The following PRDM4 variants were observed in gnomAD, a reference collection of about 807,000 sequenced individuals.
PRDM4 encodes the protein PR/SET domain 4, also known as PR domain zinc finger protein 4.
Under a neutral mutation model 62.3 loss-of-function variants are expected in PRDM4, and 38 were observed. That is an observed-to-expected ratio of 0.61 (90% CI 0.47 to 0.80). PRDM4 has a LOEUF of 0.80. Ranked by LOEUF, PRDM4 falls within the 30% of genes least tolerant of loss-of-function variation. The pLI is 0.00. For missense variants in PRDM4, 858 were observed against 997.1 expected, an observed-to-expected ratio of 0.86 and a Z score of 1.88; for synonymous variants, 339 against 348.2, an observed-to-expected ratio of 0.97 and a Z score of 0.30.
At chr12:107,752,791 C>A (rs567244863) in intron 4 of PRDM4, among the ~76,000 whole-genome samples, 4 of 152,166 alleles carry the variant, frequency 2.6e-5, no homozygotes, top group East Asian at 3.9e-4. Flanking sequence ...AATGTTAATA[C>A]CCTCTTGCAC....
At chr12:107,739,969 A>G (rs1221570833) in intron 10 of PRDM4, among the ~76,000 whole-genome samples, 2 of 152,264 alleles carry the variant, frequency 1.3e-5, no homozygotes, top group Non-Finnish European at 2.9e-5. Context: ...AACATATAAT[A>G]TTGCCTCAAA....
chr12:107,744,815 T>A (rs1405271510), intron 6 of PRDM4, 154 bp from the exon 7 acceptor site: 1 of 1,041,418 alleles, frequency 9.6e-7, no homozygotes. Flanking sequence ...ATCCCGGCAC[T>A]TTGGGAGGCC....
chr12:107,755,150 C>A (rs1891023556), intron 3 of PRDM4, among the ~76,000 whole-genome samples: 2 of 152,056 alleles, frequency 1.3e-5, no homozygotes, highest in South Asian at 4.1e-4. Flanking sequence ...AGTAGCATGA[C>A]CATGGCTCAG....
intron 6 of PRDM4, 118 bp downstream of exon 6, chr12:107,746,157 A>T: frequency 8.1e-7 from 1 of 1,230,536 alleles, no homozygotes; most frequent in Non-Finnish European, 1.1e-6. Flanking sequence ...CATAAATCTT[A>T]AGCCATAAAT....
Position 107,734,323 on chromosome 12 carries a change from C to T in PRDM4, c.2293G>A (p.Glu765Lys). ...TCCTCTTCTGAGTCATCCTCTTCTT[C>T]CTCCTCTGGTGCTGACGAACTGGAG... ...PTSSSSAPEE[E>K]EEDDSEEEDL... Residue 765 changes from glutamate (E) to lysine (K), a missense_variant, in exon 12 of 12, where the codon GAA becomes AAA. Around this residue, in one of 3 missense-constraint regions of PRDM4, gnomAD observed 355 missense variants for 432.6 expected, o/e 0.82. Coordinates refer to ENST00000228437, the MANE Select transcript of PRDM4 (RefSeq NM_012406.4). The T allele has an allele frequency of 6.2e-7, 1 of 1,614,220 alleles. No homozygotes were observed.
At chr12:107,743,156 C>A in intron 8 of PRDM4, 41 bp downstream of exon 8, 2 of 1,470,456 alleles carry the variant, frequency 1.4e-6, no homozygotes, top group Non-Finnish European at 1.9e-6. Context: ...TGAAAAACAT[C>A]TAAATGGTAA....
intron 5 of PRDM4, among the ~76,000 whole-genome samples, chr12:107,750,936 A>C (rs1890871627): frequency 6.6e-6 from 1 of 152,176 alleles, no homozygotes; most frequent in Non-Finnish European, 1.5e-5. Flanking sequence ...CCCAGGCCGG[A>C]GTGCAGTACT....
intron 5 of PRDM4, among the ~76,000 whole-genome samples, chr12:107,749,618 T>C (rs1398823913): frequency 6.6e-6 from 1 of 152,104 alleles, no homozygotes; most frequent in African/African-American, 2.4e-5. Context: ...TCCAACTTTA[T>C]CCAATCGATA....
rs374059727 is a variant in PRDM4, at chr12:107,734,450, A to G, written c.2166T>C (p.Asn722=). 6.8e-6 allele frequency: 11 copies of G among 1,614,052 alleles called. No individual in the cohort carries two copies. In the Middle Eastern group the frequency reaches 4.9e-4, roughly 72 times the overall value. ...CATAATCCCGTTTTCCTTCATGAGA[A>G]TTGAGATGCTTCTTTAAGTGATTTG... The part of the protein sequence containing the change: ...LRTNHLKKHL[N]SHEGKRDYVC... Residue 722 remains asparagine (N), a synonymous_variant, in exon 12 of 12, where the codon AAT becomes AAC. Coordinates refer to ENST00000228437, the MANE Select transcript of PRDM4 (RefSeq NM_012406.4).
rs879549439 is a variant in PRDM4 at position 107,734,116 on chromosome 12, GA to G, written c.*93del. The G allele has an allele frequency of 4.1e-5, 53 of 1,308,594 alleles. No homozygotes were observed. The highest frequency in any genetic ancestry group is 2.7e-4 in the Middle Eastern group (1 of 3,772). 81.1% of individuals were successfully genotyped at this position (1,308,594 alleles called of 1,614,324 possible). ...TGATTACTGGCTGAAAATAAATCAGGAACCATTTTATATAAAAACCATTATA... is the reference window on the plus strand; with the variant it reads ...TGATTACTGGCTGAAAATAAATCAGGACCATTTTATATAAAAACCATTATA... On this transcript the variant is annotated 3_prime_UTR_variant, in exon 12 of 12. Transcript: ENST00000228437.
chr12:107,736,143 T>C (rs1890322002), intron 11 of PRDM4, among the ~76,000 whole-genome samples: 1 of 152,246 alleles, frequency 6.6e-6, no homozygotes, highest in African/African-American at 2.4e-5. Flanking sequence ...TGTCTAATTA[T>C]GCCAGGCACT....
chr12:107,741,581 T>C (rs1890520681), intron 9 of PRDM4, among the ~76,000 whole-genome samples: 1 of 151,246 alleles, frequency 6.6e-6, no homozygotes, highest in South Asian at 2.1e-4. Flanking sequence ...TGGCTGGGCA[T>C]GGTGATGTAC....
chr12:107,738,875 ACAAACACACAC>A (rs1890421781), intron 11 of PRDM4, among the ~76,000 whole-genome samples: 2 of 79,668 alleles, frequency 2.5e-5, no homozygotes, highest in African/African-American at 4.8e-5. Context: ...TGCAATTCAG[ACAAACACACAC>A]ACACACACAC....
intron 6 of PRDM4, among the ~76,000 whole-genome samples, chr12:107,745,512 C>A (rs1890670822): frequency 6.6e-6 from 1 of 151,854 alleles, no homozygotes. Context: ...AGGCTGCACT[C>A]GAGTTACTGT....
At chr12:107,745,595 T>C (rs1890675946) in intron 6 of PRDM4, among the ~76,000 whole-genome samples, 1 of 151,912 alleles carries the variant, frequency 6.6e-6, no homozygotes, top group Non-Finnish European at 1.5e-5. Flanking sequence ...AATAAATAAA[T>C]AAAAAATAAC....
chr12:107,733,979 C>T lies in PRDM4; in HGVS notation c.*231G>A, dbSNP rs1031800245. ...TAAAGACCTCAGAAGTTGACACTTC[C>T]CTCCCAGTCCACCACTTAAAACAGG... On this transcript the variant is annotated 3_prime_UTR_variant, in exon 12 of 12. Coordinates refer to ENST00000228437, the MANE Select transcript of PRDM4 (RefSeq NM_012406.4). 6.8e-5 allele frequency: 31 copies of T among 455,334 alleles called. No homozygotes were observed. In the Admixed American group the frequency reaches 1.2e-3, roughly 17 times the overall value. The allele number at this position is 455,334 out of a possible 1,614,324, so 28.2% of individuals were successfully genotyped here. A position where few individuals can be genotyped will look rare whatever the true frequency, so the allele number is the denominator to read the frequency against.
chr12:107,737,019 A>C (rs1054967742), intron 11 of PRDM4: 2 of 152,226 alleles, frequency 1.3e-5, no homozygotes, highest in Non-Finnish European at 2.9e-5. Flanking sequence ...AGAGCCGCTG[A>C]GTGATGGTGA....
intron 4 of PRDM4, 54 bp downstream of exon 4, chr12:107,753,870 T>A: frequency 6.6e-7 from 1 of 1,517,042 alleles, no homozygotes; most frequent in African/African-American, 1.4e-5. Flanking sequence ...GATAAAAGTT[T>A]AAAAGCTGGC....
At chr12:107,750,354 G>A (rs1890849762) in intron 5 of PRDM4, among the ~76,000 whole-genome samples, 1 of 152,036 alleles carries the variant, frequency 6.6e-6, no homozygotes, top group Non-Finnish European at 1.5e-5. Context: ...ACCAGCCAAG[G>A]CAACACAGTG....
Sources: allele counts gnomAD v4.1 joint callset (sites outside exome capture counted in the v4.1 genomes callset), GRCh38; gene constraint gnomAD v4.1.1; regional missense constraint gnomAD v4.1.1; transcripts MANE v1.5; gene names NCBI Gene and HGNC (gene_info 2026-07-23, HGNC 2026-07-21).